The following SHQ1 variants were observed in gnomAD, a reference collection of about 807,000 sequenced individuals.
The protein encoded by SHQ1 is protein SHQ1 homolog.
A neutral mutation model predicts 53.8 loss-of-function variants in SHQ1; 49 were observed. The ratio of observed to expected loss-of-function variants is 0.91; its 90% CI spans 0.72 to 1.16. The LOEUF is 1.16. Among genes scored for constraint, SHQ1 ranks in the 50% most tolerant of loss-of-function variants. SHQ1 has a pLI of 0.00. For synonymous variants in SHQ1, 243 were observed against 251.0 expected, an observed-to-expected ratio of 0.97 and a Z score of 0.30; for missense variants, 738 against 683.1, an observed-to-expected ratio of 1.08 and a Z score of -0.90.
intron 10 of SHQ1, among the ~76,000 whole-genome samples, chr3:72,780,668 G>A (rs1398891282): frequency 6.6e-6 from 1 of 152,126 alleles, no homozygotes; most frequent in African/African-American, 2.4e-5. Context: ...GGGTTTATAG[G>A]ATACATACAC....
intron 2 of SHQ1, 120 bp downstream of exon 2, chr3:72,844,239 G>T: frequency 1.3e-6 from 1 of 771,584 alleles, no homozygotes. Flanking sequence ...AAGAAAGAGT[G>T]ATAGGAACAG....
chr3:72,802,850 T>C (rs1706830687), intron 9 of SHQ1, among the ~76,000 whole-genome samples: 1 of 152,220 alleles, frequency 6.6e-6, no homozygotes, highest in Non-Finnish European at 1.5e-5. Context: ...AGGCTCTGGC[T>C]GACAAGAGTA....
At chr3:72,762,187 G>GA (rs1158522937) in intron 10 of SHQ1, among the ~76,000 whole-genome samples, 4 of 151,952 alleles carry the variant, frequency 2.6e-5, no homozygotes, top group African/African-American at 9.7e-5. Flanking sequence ...AAATGACTTA[G>GA]AAAAAAACAC....
chr3:72,817,103 T>C, intron 7 of SHQ1, 127 bp downstream of exon 7: 1 of 991,508 alleles, frequency 1.0e-6, no homozygotes, highest in South Asian at 2.3e-5. Context: ...CACATGCAAC[T>C]CTGCTGGGGG....
the SHQ1 span, among the ~76,000 whole-genome samples, chr3:72,733,971 C>T: frequency 2.6e-5 from 4 of 151,170 alleles, no homozygotes; most frequent in Admixed American, 2.6e-4. Context: ...GGAGTTCAAC[C>T]AGCCTAGGCA....
chr3:72,825,361 T>TACAC (rs61048915), intron 5 of SHQ1, among the ~76,000 whole-genome samples: 10,672 of 141,876 alleles, frequency 0.075, 491 homozygotes, highest in East Asian at 0.18. Context: ...TAAAAGGGGC[T>TACAC]ACACACACAC....
In SHQ1 at chr3:72,812,763, GA is replaced by G. The variant is rs1344808749; in HGVS notation, c.967del (p.Ser323LeufsTer18). The G allele has an allele frequency of 3.1e-6, 5 of 1,613,992 alleles. No homozygotes were observed. The highest frequency in any genetic ancestry group is 4.2e-6 in the Non-Finnish European group (5 of 1,179,980). On this transcript the variant is annotated frameshift_variant, in exon 9 of 11. Coordinates refer to ENST00000325599, the MANE Select transcript of SHQ1 (RefSeq NM_018130.3). LOFTEE classifies it high-confidence loss of function. ...TWTNVHDIMV[S>X]FGRRVLCYPL... is the part of the protein sequence containing the mutation. ...GTAACACAACACCCTTCTTCCAAAA[GA>G]CACCATGATATCATGAACGTTAGTC...
chr3:72,841,476 A>G (rs1279598812), intron 3 of SHQ1, among the ~76,000 whole-genome samples: 1 of 152,366 alleles, frequency 6.6e-6, no homozygotes, highest in East Asian at 1.9e-4. Context: ...AAGTGAAAGC[A>G]GCCAGACAAA....
At position 72,792,841 on chromosome 3, in the gene SHQ1, T is replaced by C. The variant is rs1378089440; in HGVS notation, c.1181+75A>G. The C allele has an allele frequency of 3.0e-6, 4 of 1,339,142 alleles. No homozygotes were observed. In the African/African-American group the frequency reaches 6.0e-5, roughly 20 times the overall value. The allele number at this position is 1,339,142 out of a possible 1,614,324, so 83.0% of individuals were successfully genotyped here. A position where few individuals can be genotyped will look rare whatever the true frequency, so the allele number is the denominator to read the frequency against. ...ACTTACTCCTCAGGTTATTTCGTTTTCTTCCTCCTGGGTAAATAGGTATTT... is the reference window on the plus strand; with the variant it reads ...ACTTACTCCTCAGGTTATTTCGTTTCCTTCCTCCTGGGTAAATAGGTATTT... On this transcript the variant is annotated intron_variant, in intron 10 of 10. Transcript: ENST00000325599.
At chr3:72,769,344 A>G (rs1176887923) in intron 10 of SHQ1, among the ~76,000 whole-genome samples, 1 of 152,004 alleles carries the variant, frequency 6.6e-6, no homozygotes, top group Non-Finnish European at 1.5e-5. Flanking sequence ...GTCTTTAAAA[A>G]CTCACTGAGA....
At chr3:72,751,312 G>C (rs1309499983) in intron 10 of SHQ1, among the ~76,000 whole-genome samples, 1 of 151,830 alleles carries the variant, frequency 6.6e-6, no homozygotes, top group Non-Finnish European at 1.5e-5. Context: ...CTTGGGTGGA[G>C]GGGGGGCTGA....
Position 72,750,840 on chromosome 3 carries a change from G to T in SHQ1, c.1182-4C>A, listed in dbSNP as rs1477238290. On this transcript the variant is annotated splice_polypyrimidine_tract_variant and splice_region_variant and intron_variant, in intron 10 of 10. Coordinates refer to ENST00000325599, the MANE Select transcript of SHQ1 (RefSeq NM_018130.3). Reference sequence around the variant, plus strand: ...AAGAGCTGCCAACTTTTTGGATCTTGAAAACATTTTAAAAAGAAAGATTAG... The same window carrying T: ...AAGAGCTGCCAACTTTTTGGATCTTTAAAACATTTTAAAAAGAAAGATTAG... 1 of 1,500,758 alleles carries T rather than the reference G, an allele frequency of 6.7e-7. No homozygotes were observed. Among genetic ancestry groups the T allele is most frequent in the East Asian group, 2.5e-5 (1 of 40,348 alleles). The allele number at this position is 1,500,758 out of a possible 1,614,324, so 93.0% of individuals were successfully genotyped here.
chr3:72,846,263 GTTTTA>G, intron 1 of SHQ1: 5 of 1,533,620 alleles, frequency 3.3e-6, no homozygotes, highest in Non-Finnish European at 4.4e-6. Context: ...GAGGGACCAG[GTTTTA>G]TTCATCCTTG....
chr3:72,779,930 A>C (rs1455366437), intron 10 of SHQ1, among the ~76,000 whole-genome samples: 1 of 152,168 alleles, frequency 6.6e-6, no homozygotes. Context: ...GCAAGGTTGG[A>C]TCTTTCTGAT....
chr3:72,739,275 C>G, the SHQ1 span, among the ~76,000 whole-genome samples: 2 of 152,228 alleles, frequency 1.3e-5, no homozygotes, highest in South Asian at 2.1e-4. Flanking sequence ...GCCCCCAGTA[C>G]AGAGATCCTG....
intron 7 of SHQ1, among the ~76,000 whole-genome samples, chr3:72,816,709 A>C (rs539105129): frequency 7.2e-5 from 11 of 152,292 alleles, no homozygotes; most frequent in Non-Finnish European, 1.3e-4. Flanking sequence ...AAAAAGATAT[A>C]ATTCAGGTTT....
At chr3:72,842,532 C>A in intron 2 of SHQ1, 130 bp from the exon 3 acceptor site, 2 of 622,526 alleles carry the variant, frequency 3.2e-6, no homozygotes, top group Non-Finnish European at 5.1e-6. Flanking sequence ...AGTTCAAGAC[C>A]AGCCTGGGCA....
At chr3:72,820,356 C>T (rs1707440753) in intron 6 of SHQ1, among the ~76,000 whole-genome samples, 1 of 152,200 alleles carries the variant, frequency 6.6e-6, no homozygotes, top group South Asian at 2.1e-4. Context: ...TTCCCTAAAA[C>T]ACTTCCACCT....
At chr3:72,840,293 G>C (rs1013608412) in intron 4 of SHQ1, among the ~76,000 whole-genome samples, 2 of 148,936 alleles carry the variant, frequency 1.3e-5, no homozygotes, top group Non-Finnish European at 3.0e-5. Flanking sequence ...GCTGGTCACA[G>C]TGGCTCATGC....
Sources: gnomAD v4.1 joint callset for allele counts (sites outside exome capture counted in the v4.1 genomes callset) on GRCh38, gnomAD v4.1.1 for gene constraint, MANE v1.5 for transcripts, NCBI Gene and HGNC (gene_info 2026-07-23, HGNC 2026-07-21) for gene names.